The following TNKS variants were observed in gnomAD, a reference collection of about 807,000 sequenced individuals.
TNKS encodes tankyrase, also known as poly [ADP-ribose] polymerase tankyrase-1.
Under a neutral mutation model 135.8 loss-of-function variants are expected in TNKS, and 72 were observed. The observed-to-expected ratio is 0.53, with a 90% CI of 0.44 to 0.64. The LOEUF (loss-of-function observed/expected upper bound fraction) is 0.64, where lower values mean the gene tolerates loss of function less well. TNKS is among the 30% of genes least tolerant of loss of function. The pLI is 0.00. For missense variants in TNKS, 1,769 were observed against 1,674.0 expected (o/e 1.06, Z -0.99); for synonymous variants, 849 against 649.3 (o/e 1.31, Z -4.68).
At chr8:9,666,493 G>A (rs957515968) in intron 3 of TNKS, among the ~76,000 whole-genome samples, 4 of 152,094 alleles carry the variant, frequency 2.6e-5, no homozygotes, top group African/African-American at 4.8e-5. Flanking sequence ...GCCAAGGCTG[G>A]CAGATCACTT....
intron 23 of TNKS, 68 bp from the exon 24 acceptor site, chr8:9,765,624 A>G (rs1807393979): frequency 2.2e-6 from 3 of 1,351,938 alleles, no homozygotes; most frequent in East Asian, 2.3e-5. Flanking sequence ...AAAGGAAAAC[A>G]TACTTTTCAT....
chr8:9,610,070 G>C (rs1173142645), intron 2 of TNKS, among the ~76,000 whole-genome samples: 1 of 151,978 alleles, frequency 6.6e-6, no homozygotes, highest in East Asian at 1.9e-4. Flanking sequence ...TGTTAGCCAG[G>C]GTGGTCTTGA....
chr8:9,661,641 A>C (rs1368785344), intron 3 of TNKS, among the ~76,000 whole-genome samples: 2 of 152,132 alleles, frequency 1.3e-5, no homozygotes, highest in African/African-American at 4.8e-5. Context: ...CTAGAAGAAA[A>C]CCTAGGCAAT....
chr8:9,691,769 G>C (rs1355448481), intron 5 of TNKS, among the ~76,000 whole-genome samples: 2 of 152,006 alleles, frequency 1.3e-5, no homozygotes, highest in African/African-American at 2.4e-5. Flanking sequence ...TAAAATATTG[G>C]TATTTAAAAT....
In TNKS at chr8:9,778,104, T is replaced by C. The variant is rs1050791215; in HGVS notation, c.*1368T>C. The C allele has an allele frequency of 2.0e-5, 3 of 151,842 alleles. No homozygotes were observed. Among genetic ancestry groups the C allele is most frequent in the Non-Finnish European group, 4.4e-5 (3 of 67,966 alleles). 9.4% of individuals were successfully genotyped at this position (151,842 alleles called of 1,614,324 possible). ...TACAATTTTCTTTGTGAAATTACTG[T>C]TTATTTTCATCAACATTTACCAAGT... On this transcript the variant is annotated 3_prime_UTR_variant, in exon 27 of 27. Transcript: ENST00000310430.
At position 9,752,594 on chromosome 8, in the gene TNKS, G is replaced by A; in HGVS notation, c.3121G>A (p.Glu1041Lys). ...CCAATTTCTAAAAAGCCTTGGCCTTGAACACCTTCGGGATATCTTTGAAAC... is the reference window on the plus strand; with the variant it reads ...CCAATTTCTAAAAAGCCTTGGCCTTAAACACCTTCGGGATATCTTTGAAAC... ...ISQFLKSLGLEHLRDIFETEQ... is the reference protein window; with the variant it reads ...ISQFLKSLGLKHLRDIFETEQ... The change falls in exon 20 of 27, where the codon GAA becomes AAA. Residue 1041 changes from glutamate to lysine, a missense_variant. Physicochemically the swap from Glu to Lys is moderately conservative, Grantham distance 56. Transcript: ENST00000310430. 6.2e-7 allele frequency: 1 copy of A among 1,613,112 alleles called. No individual in the cohort carries two copies. Among genetic ancestry groups the A allele is most frequent in the Non-Finnish European group, 8.5e-7 (1 of 1,179,502 alleles).
intron 1 of TNKS, among the ~76,000 whole-genome samples, chr8:9,577,114 A>AT (rs397955391): frequency 0.026 from 3,652 of 138,474 alleles, 93 homozygotes; most frequent in African/African-American, 0.071. Context: ...ATAACAATTC[A>AT]TTTTTTTTTT....
intron 17 of TNKS, among the ~76,000 whole-genome samples, chr8:9,746,905 C>T (rs1306882895): frequency 2.3e-4 from 15 of 65,504 alleles, no homozygotes; most frequent in African/African-American, 6.7e-4. Flanking sequence ...TTTTTTGAGA[C>T]GGAGCCTTGC....
intron 20 of TNKS, among the ~76,000 whole-genome samples, 177 bp downstream of exon 20, chr8:9,752,803 G>A (rs1192788509): frequency 6.6e-6 from 1 of 151,448 alleles, no homozygotes; most frequent in East Asian, 1.9e-4. Flanking sequence ...AAAAAAAAAA[G>A]TTTTTAAGTT....
chr8:9,649,832 T>C (rs1801071020), intron 3 of TNKS, among the ~76,000 whole-genome samples: 1 of 151,812 alleles, frequency 6.6e-6, no homozygotes, highest in African/African-American at 2.4e-5. Flanking sequence ...AGTACTAGTA[T>C]TCCATGGTGT....
Position 9,710,433 on chromosome 8 carries a change from C to T in TNKS, c.1749+213C>T, listed in dbSNP as rs1416775408. 1.0e-5 allele frequency: 6 copies of T among 590,916 alleles called. No homozygotes were observed. In the East Asian group the frequency reaches 1.4e-4, roughly 14 times the overall value. 36.6% of individuals were successfully genotyped at this position (590,916 alleles called of 1,614,324 possible). ...TGTTTCTTGATCCTTTAATGTCACC[C>T]TTCTGTAAAGCAACAAAATATAGCT... On this transcript the variant is annotated intron_variant, in intron 11 of 26. Coordinates refer to ENST00000310430, the MANE Select transcript of TNKS (RefSeq NM_003747.3).
chr8:9,649,252 G>A (rs9650637), intron 3 of TNKS, among the ~76,000 whole-genome samples: 148,107 of 152,302 alleles, frequency 0.97, 72,139 homozygotes, highest in South Asian at 1. Flanking sequence ...TTTGACAGCA[G>A]TCAGTCAACC....
intron 1 of TNKS, among the ~76,000 whole-genome samples, chr8:9,571,243 G>A (rs1339881071): frequency 6.6e-6 from 1 of 152,118 alleles, no homozygotes; most frequent in Admixed American, 6.5e-5. Context: ...TGCCAAGATT[G>A]ATGTATATAT....
rs74478023 is a variant in TNKS, at chr8:9,743,087, G to A, written c.2644-4937G>A. Among the ~76,000 whole-genome samples, 622 of 152,126 alleles carry A rather than the reference G, an allele frequency of 4.1e-3. 25 individuals carry two copies. The East Asian group carries it at 0.1, about 25-fold the overall frequency. On this transcript the variant is annotated intron_variant, in intron 17 of 26. Transcript: ENST00000310430. ...GAAAAACACTGATTATGTTGTATTC[G>A]TCCCATGAATTTGATGATGCTTGAA...
chr8:9,643,447 G>T (rs1011261297), intron 3 of TNKS, among the ~76,000 whole-genome samples: 1 of 151,014 alleles, frequency 6.6e-6, no homozygotes, highest in Admixed American at 6.7e-5. Flanking sequence ...TGCGATAATA[G>T]CATTAATCCA....
At chr8:9,715,906 T>C (rs1804580046) in intron 11 of TNKS, among the ~76,000 whole-genome samples, 1 of 152,200 alleles carries the variant, frequency 6.6e-6, no homozygotes, top group South Asian at 2.1e-4. Flanking sequence ...TTCTTTATTA[T>C]GGTTAGTCTG....
chr8:9,569,306 G>T (rs1440389537), intron 1 of TNKS, among the ~76,000 whole-genome samples: 2 of 152,180 alleles, frequency 1.3e-5, no homozygotes, highest in African/African-American at 4.8e-5. Context: ...GTACCGGGAG[G>T]TGAATTTTTA....
rs980879411 is a variant in TNKS, at chr8:9,705,938, T to G, written c.1203-249T>G. ...TGCATTTGTCAATTAGCATATGATCTTCCTTTCGCCAAAATGTTCTTCTAT... is the reference window on the plus strand; with the variant it reads ...TGCATTTGTCAATTAGCATATGATCGTCCTTTCGCCAAAATGTTCTTCTAT... On this transcript the variant is annotated intron_variant, in intron 6 of 26. Transcript: ENST00000310430. Among the ~76,000 whole-genome samples the G allele has an allele frequency of 2.6e-5, 4 of 152,206 alleles. No individual in the cohort carries two copies. In the East Asian group the frequency reaches 7.7e-4, roughly 29 times the overall value.
intron 1 of TNKS, among the ~76,000 whole-genome samples, chr8:9,562,616 A>T (rs1408201990): frequency 6.6e-6 from 1 of 152,150 alleles, no homozygotes; most frequent in African/African-American, 2.4e-5. Context: ...ACATTCTGAC[A>T]ATCTGTGTCT....
Sources: gnomAD v4.1 joint callset for allele counts (sites outside exome capture counted in the v4.1 genomes callset) on GRCh38, gnomAD v4.1.1 for gene constraint, MANE v1.5 for transcripts, NCBI Gene and HGNC (gene_info 2026-07-23, HGNC 2026-07-21) for gene names.